The following LRRC15 variants were observed in gnomAD, a reference collection of about 807,000 sequenced individuals.
LRRC15 encodes the protein leucine rich repeat containing 15, also known as leucine-rich repeat-containing protein 15.
LRRC15 carries 5 observed loss-of-function variants against 4.3 expected under a neutral mutation model. The observed-to-expected ratio is 1.16, with a 90% confidence interval of 0.61 to 2.44. LRRC15 has a LOEUF of 2.44. Ranked by LOEUF, LRRC15 falls within the 30% of genes most tolerant of loss-of-function variation. The probability of loss-of-function intolerance (pLI) is 0.01; values close to 1 mark genes in which losing one functional copy is unlikely to be tolerated. For missense variants in LRRC15, 769 were observed against 747.0 expected (o/e 1.03, Z -0.34); for synonymous variants, 337 against 323.2 (o/e 1.04, Z -0.46).
In LRRC15 at chr3:194,356,454, G is replaced by A. The variant is rs929148533; in HGVS notation, c.*2844C>T. The A allele has an allele frequency of 6.6e-6, 1 of 152,208 alleles. No homozygotes were observed. The highest frequency in any genetic ancestry group is 1.5e-5 in the Non-Finnish European group (1 of 68,058). The allele number at this position is 152,208 out of a possible 1,614,324, so 9.4% of individuals were successfully genotyped here. A position where few individuals can be genotyped will look rare whatever the true frequency, so the allele number is the denominator to read the frequency against. ...ATTGAGCAAATGCATCATCCTGTTG[G>A]AAAGGAGACTCCACTCAGCTTTTCT... On this transcript the variant is annotated 3_prime_UTR_variant, in exon 2 of 2. Transcript: ENST00000347624.
At chr3:194,369,380 C>T (rs946545871) in intron 1 of LRRC15, among the ~76,000 whole-genome samples, 33 of 152,238 alleles carry the variant, frequency 2.2e-4, no homozygotes, top group African/African-American at 7.7e-4. Context: ...GACATCTCAG[C>T]ACCCCAGGTT....
chr3:194,369,275 G>T (rs1176384415), intron 1 of LRRC15, among the ~76,000 whole-genome samples: 2 of 152,236 alleles, frequency 1.3e-5, no homozygotes, highest in African/African-American at 4.8e-5. Flanking sequence ...AAAAAGAGAA[G>T]TTCTTCCCCC....
intron 1 of LRRC15, among the ~76,000 whole-genome samples, chr3:194,365,081 C>G (rs184980160): frequency 6.6e-6 from 1 of 152,360 alleles, no homozygotes; most frequent in Admixed American, 6.5e-5. Context: ...GGCCACAAAG[C>G]TGCCCTAATT....
At position 194,360,678 on chromosome 3, in the gene LRRC15, C is replaced by T. The variant is rs149706117; in HGVS notation, c.366G>A (p.Gln122=). ...GGAGAGACTCGAGGCTGTCCAGGCC[C>T]TGGAAGAGGCCGATGGGCAGAACCT... ...KLQVLPIGLF[Q]GLDSLESLLL... is the part of the protein sequence containing the mutation. Residue 122 remains glutamine (Q), a synonymous_variant, in exon 2 of 2, where the codon CAG becomes CAA. Coordinates refer to ENST00000347624, the MANE Select transcript of LRRC15 (RefSeq NM_130830.5). The T allele has an allele frequency of 6.8e-6, 11 of 1,614,074 alleles. No individual in the cohort carries two copies. The African/African-American group carries it at 1.2e-4, about 18-fold the overall frequency.
intron 1 of LRRC15, among the ~76,000 whole-genome samples, chr3:194,363,655 CA>C (rs36019333): frequency 0.46 from 69,766 of 151,916 alleles, 19,006 homozygotes; most frequent in African/African-American, 0.75. Flanking sequence ...TCTCACCCTG[CA>C]ACTGCCCTGA....
At chr3:194,366,528 C>T (rs1473872897) in intron 1 of LRRC15, among the ~76,000 whole-genome samples, 1 of 152,140 alleles carries the variant, frequency 6.6e-6, no homozygotes, top group Non-Finnish European at 1.5e-5. Context: ...CACGTGAGGT[C>T]TAGACTAGCC....
Position 194,358,971 on chromosome 3 carries a change from G to T in LRRC15, c.*327C>A. On this transcript the variant is annotated 3_prime_UTR_variant, in exon 2 of 2. Coordinates refer to ENST00000347624, the MANE Select transcript of LRRC15 (RefSeq NM_130830.5). ...GTCTACAGAGGCCCGGAGGGGGCCT[G>T]GGCGCAGGGAAGGCTGTTCTTGGAG... The T allele has an allele frequency of 3.9e-6, 1 of 253,628 alleles. No individual in the cohort carries two copies. The highest frequency in any genetic ancestry group is 7.6e-6 in the Non-Finnish European group (1 of 132,294). The allele number at this position is 253,628 out of a possible 1,614,324, so 15.7% of individuals were successfully genotyped here.
chr3:194,360,985 A>G lies in LRRC15; in HGVS notation c.59T>C (p.Leu20Ser). The G allele has an allele frequency of 6.5e-7, 1 of 1,545,752 alleles. No individual in the cohort carries two copies. Among genetic ancestry groups the G allele is most frequent in the East Asian group, 2.3e-5 (1 of 44,360 alleles). The change falls in exon 2 of 2, where the codon TTG (leucine) becomes TCG (serine). Residue 20 changes from leucine to serine, a missense_variant. Coordinates refer to ENST00000347624, the MANE Select transcript of LRRC15 (RefSeq NM_130830.5). ...LVGCQAWGAG[L>S]AYHGCPSECT... ...CTCGCTAGGGCAGCCATGGTAGGCC[A>G]ACCCTGCACCCCAGGCTTGGCAGCC...
chr3:194,367,225 T>G (rs4974536), intron 1 of LRRC15, among the ~76,000 whole-genome samples: 111,472 of 152,128 alleles, frequency 0.73, 41,289 homozygotes, highest in East Asian at 0.94. Context: ...ACCCCTGTAA[T>G]CTCAACAACA....
intron 1 of LRRC15, among the ~76,000 whole-genome samples, chr3:194,366,615 G>T (rs533315447): frequency 1.4e-4 from 21 of 152,026 alleles, no homozygotes; most frequent in African/African-American, 5.1e-4. Flanking sequence ...CGCAGATCCT[G>T]CCACAGGCCT....
intron 1 of LRRC15, among the ~76,000 whole-genome samples, chr3:194,365,671 C>T (rs1275021783): frequency 2.0e-5 from 3 of 152,066 alleles, no homozygotes; most frequent in South Asian, 2.1e-4. Flanking sequence ...CCCTCATTCT[C>T]CTCATCTTCT....
At position 194,369,718 on chromosome 3, in the gene LRRC15, A is replaced by G. The variant is rs1211497320; in HGVS notation, c.-61T>C. The stretch of plus-strand genomic sequence containing the variant: ...AGGGAGCCTGAGAGGAGGACGAGGG[A>G]CGGCTCAAGGCTGCAGCATGAGTGT... On this transcript the variant is annotated 5_prime_UTR_variant, in exon 1 of 2. Coordinates refer to ENST00000347624, the MANE Select transcript of LRRC15 (RefSeq NM_130830.5). 3 of 152,220 alleles carry G rather than the reference A, an allele frequency of 2.0e-5. No individual in the cohort carries two copies. The highest frequency in any genetic ancestry group is 6.6e-5 in the Admixed American group (1 of 15,254). The allele number at this position is 152,220 out of a possible 1,614,324, so 9.4% of individuals were successfully genotyped here.
In LRRC15 at chr3:194,359,864, T is replaced by C. The variant is rs1272842135; in HGVS notation, c.1180A>G (p.Ile394Val). ...IFANVNGLMA[I>V]QLQNNQLENL... Reference sequence around the variant, plus strand: ...TCCAGCTGGTTGTTCTGCAGCTGGATGGCCATGAGGCCATTGACGTTGGCG... The same window carrying C: ...TCCAGCTGGTTGTTCTGCAGCTGGACGGCCATGAGGCCATTGACGTTGGCG... Residue 394 changes from isoleucine to valine, a missense_variant, in exon 2 of 2, where the codon ATC becomes GTC. Ile to Val is a conservative substitution (Grantham distance 29, BLOSUM62 3). Coordinates refer to ENST00000347624, the MANE Select transcript of LRRC15 (RefSeq NM_130830.5). 2 of 1,614,108 alleles carry C rather than the reference T, an allele frequency of 1.2e-6. No individual in the cohort carries two copies. The highest frequency in any genetic ancestry group is 1.7e-6 in the Non-Finnish European group (2 of 1,180,028).
At position 194,360,572 on chromosome 3, in the gene LRRC15, C is replaced by A. The variant is rs748108732; in HGVS notation, c.472G>T (p.Gly158Cys). ...CSNLKELQLH[G>C]NHLEYIPDGA... ...TCAGGGATGTATTCCAGGTGGTTGC[C>A]GTGCAACTGCAGCTCCTTGAGGTTG... The change falls in exon 2 of 2, where the codon GGC becomes TGC. Residue 158 changes from glycine to cysteine, a missense_variant. Gly to Cys is a radical substitution (Grantham distance 159, BLOSUM62 -3). Transcript: ENST00000347624. 6.2e-7 allele frequency: 1 copy of A among 1,614,074 alleles called. No individual in the cohort carries two copies. The highest frequency in any genetic ancestry group is 2.2e-5 in the East Asian group (1 of 44,882).
At position 194,359,085 on chromosome 3, in the gene LRRC15, G is replaced by A. The variant is rs1490780953; in HGVS notation, c.*213C>T. The A allele has an allele frequency of 7.2e-5, 35 of 488,516 alleles. No individual in the cohort carries two copies. Among genetic ancestry groups the A allele is most frequent in the Middle Eastern group, 1.1e-3 (2 of 1,846 alleles). The allele number at this position is 488,516 out of a possible 1,614,324, so 30.3% of individuals were successfully genotyped here. A position where few individuals can be genotyped will look rare whatever the true frequency, so the allele number is the denominator to read the frequency against. The stretch of plus-strand genomic sequence containing the variant: ...ATCCCCAGGGCTTTTGCCATGGCCA[G>A]TTGGATCTATCTTCCTGATTGTAGG... On this transcript the variant is annotated 3_prime_UTR_variant, in exon 2 of 2. Coordinates refer to ENST00000347624, the MANE Select transcript of LRRC15 (RefSeq NM_130830.5).
In LRRC15 at chr3:194,368,842, C is replaced by T. The variant is rs564923366; in HGVS notation, c.-4+819G>A. 2.3e-4 allele frequency among the ~76,000 whole-genome samples: 35 copies of T among 152,292 alleles called. 1 individual carries two copies. The highest frequency in any genetic ancestry group is 6.7e-4 in the African/African-American group (28 of 41,572). On this transcript the variant is annotated intron_variant, in intron 1 of 1. Coordinates refer to ENST00000347624, the MANE Select transcript of LRRC15 (RefSeq NM_130830.5). Reference sequence around the variant, plus strand: ...TTCTTGGCCCCAGGTCCTGCCTCTACGTTTGAGCAGAGACACGGGTCAAGG... The same window carrying T: ...TTCTTGGCCCCAGGTCCTGCCTCTATGTTTGAGCAGAGACACGGGTCAAGG...
intron 1 of LRRC15, among the ~76,000 whole-genome samples, chr3:194,365,334 C>T (rs532040551): frequency 2.1e-4 from 32 of 152,190 alleles, no homozygotes; most frequent in Admixed American, 3.3e-4. Context: ...GCAGAAGCAC[C>T]GTGACTCACG....
chr3:194,360,644 T>C lies in LRRC15; in HGVS notation c.400A>G (p.Ser134Gly). Residue 134 changes from serine (S) to glycine (G), a missense_variant, in exon 2 of 2, where the codon AGT (serine) becomes GGT (glycine). By Grantham distance (56) the Ser-to-Gly change is moderately conservative. Coordinates refer to ENST00000347624, the MANE Select transcript of LRRC15 (RefSeq NM_130830.5). The part of the protein sequence containing the change: ...LDSLESLLLS[S>G]NQLLQIQPAH... Reference sequence around the variant, plus strand: ...GGCTGGATCTGCAACAGCTGGTTACTGGACAGAAGGAGAGACTCGAGGCTG... The same window carrying C: ...GGCTGGATCTGCAACAGCTGGTTACCGGACAGAAGGAGAGACTCGAGGCTG... The C allele has an allele frequency of 6.2e-7, 1 of 1,614,122 alleles. No homozygotes were observed. Among genetic ancestry groups the C allele is most frequent in the Non-Finnish European group, 8.5e-7 (1 of 1,180,006 alleles).
Position 194,360,182 on chromosome 3 carries a change from TC to T in LRRC15, c.861del (p.Ile288SerfsTer35), listed in dbSNP as rs768935101. The T allele has an allele frequency of 6.2e-6, 10 of 1,613,632 alleles. No individual in the cohort carries two copies. The highest frequency in any genetic ancestry group is 8.5e-6 in the Non-Finnish European group (10 of 1,179,752). ...FGNSLKELSP[G>X]IFGPMPNLRE... ...CGCAGGTTGGGCATGGGCCCGAAGA[TC>T]CCCGGAGAGAGCTCCTTCAGGGAAT... is the stretch of plus-strand genomic sequence containing the variant. On this transcript the variant is annotated frameshift_variant, in exon 2 of 2. Coordinates refer to ENST00000347624, the MANE Select transcript of LRRC15 (RefSeq NM_130830.5). LOFTEE classifies it low-confidence loss of function (END_TRUNC).
Sources: allele counts gnomAD v4.1 joint callset (sites outside exome capture counted in the v4.1 genomes callset), GRCh38; gene constraint gnomAD v4.1.1; transcripts MANE v1.5; gene names NCBI Gene and HGNC (gene_info 2026-07-23, HGNC 2026-07-21).